The following ACVR1C variants were observed in gnomAD, a reference collection of about 807,000 sequenced individuals.
ACVR1C encodes activin A receptor type 1C, also known as activin receptor type-1C.
Under a neutral mutation model 57.9 loss-of-function variants are expected in ACVR1C, and 23 were observed. The observed-to-expected ratio is 0.40, with a 90% CI of 0.29 to 0.56. ACVR1C has a LOEUF of 0.56. ACVR1C is among the 20% of genes least tolerant of loss of function. ACVR1C has a pLI of 0.50. For synonymous variants in ACVR1C, 214 were observed against 215.3 expected, an observed-to-expected ratio of 0.99 and a Z score of 0.05; for missense variants, 480 against 607.9, an observed-to-expected ratio of 0.79 and a Z score of 2.21.
rs1164088029 is a variant in ACVR1C at position 157,527,676 on chromosome 2, AT to A, written c.*6241del. ...CTAGTCATTGCGGAAAAGAACTAGA[AT>A]TTAATATTTTGGCTCAGATACTCTC... is the stretch of plus-strand genomic sequence containing the variant. On this transcript the variant is annotated 3_prime_UTR_variant, in exon 9 of 9. Coordinates refer to ENST00000243349, the MANE Select transcript of ACVR1C (RefSeq NM_145259.3). The A allele has an allele frequency of 6.6e-6, 1 of 152,220 alleles. No homozygotes were observed. Among genetic ancestry groups the A allele is most frequent in the Admixed American group, 6.5e-5 (1 of 15,278 alleles). The allele number at this position is 152,220 out of a possible 1,614,324, so 9.4% of individuals were successfully genotyped here. A position where few individuals can be genotyped will look rare whatever the true frequency, so the allele number is the denominator to read the frequency against.
chr2:157,583,132 A>G (rs1688831370), intron 2 of ACVR1C, among the ~76,000 whole-genome samples: 1 of 152,214 alleles, frequency 6.6e-6, no homozygotes, highest in Admixed American at 6.5e-5. Context: ...AAGTGCTGGG[A>G]CTACAGGCAT....
At chr2:157,582,008 A>T (rs899457416) in intron 2 of ACVR1C, among the ~76,000 whole-genome samples, 2 of 152,160 alleles carry the variant, frequency 1.3e-5, no homozygotes, top group Non-Finnish European at 2.9e-5. Flanking sequence ...AAAGTCCGCA[A>T]CTTTTTCAAA....
intron 1 of ACVR1C, among the ~76,000 whole-genome samples, chr2:157,612,465 G>A (rs1279992306): frequency 1.3e-5 from 2 of 152,190 alleles, no homozygotes; most frequent in Non-Finnish European, 2.9e-5. Flanking sequence ...AGTGGGAACA[G>A]GGTTGCTACT....
chr2:157,563,729 A>ACAGTAAC (rs1337807683), intron 2 of ACVR1C, among the ~76,000 whole-genome samples: 1 of 152,270 alleles, frequency 6.6e-6, no homozygotes, highest in African/African-American at 2.4e-5. Flanking sequence ...CTGCAAGGCT[A>ACAGTAAC]CAGTAACCAA....
intron 1 of ACVR1C, among the ~76,000 whole-genome samples, chr2:157,619,120 G>A (rs907385492): frequency 1.6e-4 from 25 of 151,678 alleles, no homozygotes; most frequent in Non-Finnish European, 8.9e-5. Flanking sequence ...TACATATGGA[G>A]TATTCACGAG....
In ACVR1C at chr2:157,532,618, C is replaced by T. The variant is rs1453903286; in HGVS notation, c.*1300G>A. 6.6e-6 allele frequency: 1 copy of T among 151,926 alleles called. No homozygotes were observed. Among genetic ancestry groups the T allele is most frequent in the African/African-American group, 2.4e-5 (1 of 41,350 alleles). 9.4% of individuals were successfully genotyped at this position (151,926 alleles called of 1,614,324 possible). ...TAGATTTGAAGGGCATATTTAATGT[C>T]CCATTAAATATTCATTACTCTGTGT... On this transcript the variant is annotated 3_prime_UTR_variant, in exon 9 of 9. Transcript: ENST00000243349.
intron 1 of ACVR1C, among the ~76,000 whole-genome samples, chr2:157,624,643 G>C (rs1682859806): frequency 6.6e-6 from 1 of 152,196 alleles, no homozygotes; most frequent in East Asian, 1.9e-4. Context: ...TCACACAGAA[G>C]AGAGATATCC....
At chr2:157,562,278 A>C (rs1688252104) in intron 2 of ACVR1C, among the ~76,000 whole-genome samples, 1 of 140,518 alleles carries the variant, frequency 7.1e-6, no homozygotes, top group African/African-American at 2.7e-5. Context: ...CTAATGACAG[A>C]GCAAGACACC....
intron 2 of ACVR1C, among the ~76,000 whole-genome samples, chr2:157,558,498 A>C (rs1688159258): frequency 6.6e-6 from 1 of 152,252 alleles, no homozygotes; most frequent in Admixed American, 6.5e-5. Context: ...TAGAAATTTC[A>C]CTATAATGCC....
chr2:157,601,497 G>A (rs1293634342), intron 1 of ACVR1C, among the ~76,000 whole-genome samples: 1 of 151,960 alleles, frequency 6.6e-6, no homozygotes, highest in Non-Finnish European at 1.5e-5. Flanking sequence ...AGAAGTTATA[G>A]GACCTCCAAA....
intron 1 of ACVR1C, among the ~76,000 whole-genome samples, chr2:157,607,766 A>G (rs1378771573): frequency 1.3e-5 from 2 of 151,594 alleles, no homozygotes; most frequent in Admixed American, 6.6e-5. Flanking sequence ...CTATTTCATT[A>G]TTGAAGTATA....
intron 2 of ACVR1C, among the ~76,000 whole-genome samples, chr2:157,561,634 T>C (rs1250932293): frequency 6.6e-6 from 1 of 152,236 alleles, no homozygotes; most frequent in Non-Finnish European, 1.5e-5. Context: ...GCTCGTTTAT[T>C]AGTTCAATAG....
At chr2:157,590,380 G>A (rs988985667) in intron 1 of ACVR1C, among the ~76,000 whole-genome samples, 2 of 151,596 alleles carry the variant, frequency 1.3e-5, no homozygotes, top group African/African-American at 2.4e-5. Flanking sequence ...ATACCGATAT[G>A]GGAGCAAAAA....
chr2:157,576,368 G>A (rs1021020185), intron 2 of ACVR1C, among the ~76,000 whole-genome samples: 1 of 151,780 alleles, frequency 6.6e-6, no homozygotes, highest in African/African-American at 2.4e-5. Context: ...ACCATGCCCC[G>A]CTAATTTTTG....
chr2:157,603,625 A>G (rs544736302), intron 1 of ACVR1C, among the ~76,000 whole-genome samples: 3 of 152,120 alleles, frequency 2.0e-5, no homozygotes, highest in Non-Finnish European at 4.4e-5. Flanking sequence ...TGCATTTACA[A>G]TGAGCTTTAT....
intron 1 of ACVR1C, among the ~76,000 whole-genome samples, chr2:157,617,814 C>T (rs1682687457): frequency 6.6e-6 from 1 of 151,714 alleles, no homozygotes; most frequent in African/African-American, 2.4e-5. Flanking sequence ...TATAATAAAA[C>T]AATAATGGTA....
chr2:157,617,659 A>G (rs1460957923), intron 1 of ACVR1C, among the ~76,000 whole-genome samples: 2 of 152,030 alleles, frequency 1.3e-5, no homozygotes, highest in Non-Finnish European at 2.9e-5. Context: ...AAAAGTGTTG[A>G]ACTCTGTGTA....
At chr2:157,559,444 C>T (rs1265202170) in intron 2 of ACVR1C, among the ~76,000 whole-genome samples, 2 of 152,060 alleles carry the variant, frequency 1.3e-5, no homozygotes, top group African/African-American at 2.4e-5. Context: ...CTACATCCAG[C>T]GAATCAGGGT....
At chr2:157,562,456 CAAAAA>C (rs1262854154) in intron 2 of ACVR1C, among the ~76,000 whole-genome samples, 2 of 119,550 alleles carry the variant, frequency 1.7e-5, no homozygotes, top group East Asian at 2.2e-4. Context: ...GCCTACCAAC[CAAAAA>C]AATAAAATAA....
Sources: gnomAD v4.1 joint callset for allele counts (sites outside exome capture counted in the v4.1 genomes callset) on GRCh38, gnomAD v4.1.1 for gene constraint, MANE v1.5 for transcripts, NCBI Gene and HGNC (gene_info 2026-07-23, HGNC 2026-07-21) for gene names.